Variants in NLRP5 observed in about 807,000 individuals in gnomAD.
NLRP5 encodes the protein NLR family pyrin domain containing 5.
NLRP5 carries 93 observed loss-of-function variants against 113.1 expected under a neutral mutation model. The observed-to-expected ratio is 0.82, with a 90% CI of 0.70 to 0.98. The LOEUF is 0.98. Ranked by LOEUF, NLRP5 falls within the 50% of genes least tolerant of loss-of-function variation. The probability of loss-of-function intolerance (pLI) is 0.00; values close to 1 mark genes in which losing one functional copy is unlikely to be tolerated. For synonymous variants in NLRP5, 751 were observed against 600.7 expected (o/e 1.25, Z -3.66); for missense variants, 1,808 against 1,514.3 (o/e 1.19, Z -3.22).
chr19:56,013,596 G>GTTTTTTTTTTTTTTTTTTTTGTT (rs1982289193), intron 3 of NLRP5, among the ~76,000 whole-genome samples: 1 of 59,284 alleles, frequency 1.7e-5, no homozygotes, highest in African/African-American at 8.7e-5. Context: ...GGACATTTGG[G>GTTTTTTTTTTTTTTTTTTTTGTT]TTTTTTTTTT....
chr19:56,003,745 G>T lies in NLRP5; in HGVS notation c.92G>T (p.Cys31Phe), dbSNP rs1319051812. The change falls in exon 2 of 15, where the codon TGC becomes TTC. Residue 31 changes from cysteine (C) to phenylalanine (F), a missense_variant. Coordinates refer to ENST00000390649, the MANE Select transcript of NLRP5 (RefSeq NM_153447.4). ...GTCACTCTTTCCACAGGTCCTACTT[G>T]CTCTATATTACCAAAGAATCCACTT... 1 of 1,612,092 alleles carries T rather than the reference G, an allele frequency of 6.2e-7. No individual in the cohort carries two copies. Among genetic ancestry groups the T allele is most frequent in the East Asian group, 2.2e-5 (1 of 44,874 alleles).
rs979292868 is a variant in NLRP5, at chr19:55,999,895, A to G, written c.62+108A>G. On this transcript the variant is annotated intron_variant, in intron 1 of 14. Transcript: ENST00000390649. ...CGCTGCTGTCTGCTGCAATGTTATT[A>G]GCAATCCGTTGCAGCAGAACACTCC... is the stretch of plus-strand genomic sequence containing the variant. The G allele has an allele frequency of 1.1e-5, 9 of 815,716 alleles. No individual in the cohort carries two copies. The East Asian group carries it at 1.7e-4, about 16-fold the overall frequency. The allele number at this position is 815,716 out of a possible 1,614,324, so 50.5% of individuals were successfully genotyped here. A position where few individuals can be genotyped will look rare whatever the true frequency, so the allele number is the denominator to read the frequency against.
In NLRP5 at chr19:56,003,841, A is replaced by G. The variant is rs749868596; in HGVS notation, c.188A>G (p.Tyr63Cys). The change falls in exon 2 of 15, where the codon TAC (tyrosine) becomes TGC (cysteine). Residue 63 changes from tyrosine (Y) to cysteine (C), a missense_variant. Tyr to Cys is a radical substitution (Grantham distance 194). Transcript: ENST00000390649. Reference sequence around the variant, plus strand: ...GACAAATCGCTCACCTTTTCCAGCTACGGGCTGCAATGGTGTCTCTATGAG... The same window carrying G: ...GACAAATCGCTCACCTTTTCCAGCTGCGGGCTGCAATGGTGTCTCTATGAG... The G allele has an allele frequency of 2.5e-6, 4 of 1,613,992 alleles. 1 individual carries two copies. The highest frequency in any genetic ancestry group is 3.3e-5 in the Admixed American group (2 of 60,002).
At position 56,027,668 on chromosome 19, in the gene NLRP5, G is replaced by A. The variant is rs374971021; in HGVS notation, c.1435G>A (p.Val479Met). The change falls in exon 7 of 15, where the codon GTG becomes ATG. Residue 479 changes from valine (V) to methionine (M), a missense_variant. Coordinates refer to ENST00000390649, the MANE Select transcript of NLRP5 (RefSeq NM_153447.4). ...GCCCGCCGTGGGCTCTCTCATCTGC[G>A]TGGCCCTGCAGCTGCAGGACGTGGT... 39 of 1,613,304 alleles carry A rather than the reference G, an allele frequency of 2.4e-5. No homozygotes were observed. Among genetic ancestry groups the A allele is most frequent in the African/African-American group, 2.4e-4 (18 of 74,928 alleles).
intron 1 of NLRP5, among the ~76,000 whole-genome samples, chr19:56,002,610 CCCCCCT>C (rs1407635695): frequency 7.6e-6 from 1 of 131,570 alleles, no homozygotes; most frequent in African/African-American, 3.1e-5. Flanking sequence ...TGCTATCGCT[CCCCCCT>C]CCCCCAACCC....
chr19:56,043,571 T>TTTTTTTTTTTC (rs1983603931), intron 11 of NLRP5, among the ~76,000 whole-genome samples: 1 of 47,198 alleles, frequency 2.1e-5, no homozygotes, highest in Non-Finnish European at 5.1e-5. Flanking sequence ...TTTTTTTTTT[T>TTTTTTTTTTTC]TTTTTTTTTT....
At chr19:56,013,595 G>GTTTTTTTTTTTTTTTTTTT (rs1418924718) in intron 3 of NLRP5, among the ~76,000 whole-genome samples, 33 of 30,980 alleles carry the variant, frequency 1.1e-3, no homozygotes, top group Non-Finnish European at 1.5e-3. Context: ...TGGACATTTG[G>GTTTTTTTTTTTTTTTTTTT]GTTTTTTTTT....
At chr19:56,000,089 C>CT (rs1301651105) in intron 1 of NLRP5, among the ~76,000 whole-genome samples, 2 of 151,262 alleles carry the variant, frequency 1.3e-5, no homozygotes, top group African/African-American at 2.5e-5. Context: ...TGTCCAGGGA[C>CT]TGCCACCTCT....
chr19:56,052,736 C>T (rs1202287617), intron 12 of NLRP5, among the ~76,000 whole-genome samples: 12 of 152,192 alleles, frequency 7.9e-5, no homozygotes, highest in Non-Finnish European at 1.5e-5. Flanking sequence ...GGCCACCCAC[C>T]CCATCTTCCC....
At chr19:56,016,529 A>G (rs1339599026) in intron 4 of NLRP5, among the ~76,000 whole-genome samples, 1 of 152,152 alleles carries the variant, frequency 6.6e-6, no homozygotes, top group Non-Finnish European at 1.5e-5. Context: ...ACGTTGTGCA[A>G]TAGAATACCA....
chr19:56,007,425 C>T (rs645540), intron 2 of NLRP5, among the ~76,000 whole-genome samples: 23,839 of 149,994 alleles, frequency 0.16, 2,362 homozygotes, highest in East Asian at 0.29. Context: ...AGAATCACTT[C>T]CTAGAAGGAG....
chr19:55,998,692 A>ATGTGTGTGTGTGTGTG (rs1272529769), upstream of NLRP5, among the ~76,000 whole-genome samples: 1 of 51,536 alleles, frequency 1.9e-5, no homozygotes, highest in Admixed American at 2.2e-4. Context: ...ATATATATAT[A>ATGTGTGTGTGTGTGTG]TATATATATA....
intron 6 of NLRP5, among the ~76,000 whole-genome samples, chr19:56,023,385 C>T (rs1433113394): frequency 6.6e-6 from 1 of 152,166 alleles, no homozygotes; most frequent in Non-Finnish European, 1.5e-5. Flanking sequence ...GTTAACACGT[C>T]CCCTGATGTG....
chr19:56,046,399 CGTGTGTGTGTGT>C (rs139653516), intron 11 of NLRP5, among the ~76,000 whole-genome samples: 3 of 148,182 alleles, frequency 2.0e-5, no homozygotes, highest in East Asian at 2.0e-4. Flanking sequence ...TTTGTAGTTT[CGTGTGTGTGTGT>C]GTGTGTGTGT....
At chr19:56,036,558 C>T (rs1983325278) in intron 9 of NLRP5, among the ~76,000 whole-genome samples, 1 of 152,208 alleles carries the variant, frequency 6.6e-6, no homozygotes, top group African/African-American at 2.4e-5. Flanking sequence ...TCTCATGGTG[C>T]TCACAGGCCA....
chr19:55,994,353 G>C, the NLRP5 span, among the ~76,000 whole-genome samples: 1 of 152,074 alleles, frequency 6.6e-6, no homozygotes, highest in Non-Finnish European at 1.5e-5. Flanking sequence ...CTGGGTATTA[G>C]TTCCTTGCCA....
At chr19:55,990,669 AC>A in the NLRP5 span, among the ~76,000 whole-genome samples, 1 of 152,100 alleles carries the variant, frequency 6.6e-6, no homozygotes, top group African/African-American at 2.4e-5. Context: ...TACTAAAAAT[AC>A]AAAAATTAGC....
chr19:56,045,060 C>G (rs1983672028), intron 11 of NLRP5, among the ~76,000 whole-genome samples: 2 of 152,204 alleles, frequency 1.3e-5, no homozygotes, highest in Admixed American at 1.3e-4. Context: ...GTACATTAAT[C>G]TTGTATCTGG....
intron 4 of NLRP5, among the ~76,000 whole-genome samples, chr19:56,016,780 T>C (rs55866819): frequency 0.13 from 20,183 of 152,210 alleles, 1,478 homozygotes; most frequent in South Asian, 0.23. Context: ...GAATTTCCTG[T>C]ATGTTTTAGA....
Sources: gnomAD v4.1 joint callset for allele counts (sites outside exome capture counted in the v4.1 genomes callset) on GRCh38, gnomAD v4.1.1 for gene constraint, MANE v1.5 for transcripts, NCBI Gene and HGNC (gene_info 2026-07-23, HGNC 2026-07-21) for gene names.